Variants in ARHGAP39 observed in about 807,000 individuals in gnomAD.
The protein encoded by ARHGAP39 is rho GTPase-activating protein 39.
ARHGAP39 carries 44 observed loss-of-function variants against 106.9 expected under a neutral mutation model. The ratio of observed to expected loss-of-function variants is 0.41; its 90% CI spans 0.32 to 0.53. The LOEUF (loss-of-function observed/expected upper bound fraction) is 0.53, where lower values mean the gene tolerates loss of function less well. Ranked by LOEUF, ARHGAP39 falls within the 20% of genes least tolerant of loss-of-function variation. The probability of loss-of-function intolerance (pLI) is 0.21; values close to 1 mark genes in which losing one functional copy is unlikely to be tolerated. For missense variants in ARHGAP39, 1,496 were observed against 1,577.3 expected (o/e 0.95, Z 0.87); for synonymous variants, 768 against 693.2 (o/e 1.11, Z -1.69).
chr8:144,612,680 G>A (rs1231506461), intron 1 of ARHGAP39, among the ~76,000 whole-genome samples: 8 of 69,458 alleles, frequency 1.2e-4, no homozygotes, highest in Non-Finnish European at 2.8e-5. Flanking sequence ...CTGCACTCCA[G>A]CCAGGGCGAC....
rs1821594482 is a variant in ARHGAP39, at chr8:144,652,368, TAA to T, written c.-82+33316_-82+33317del. ...TGGAAAGCAGTATTCCTCAAAAAGC[TAA>T]AAGCAGAACTATCATTTGCCCAGCA... On this transcript the variant is annotated intron_variant, in intron 1 of 11. Transcript: ENST00000377307. Among the ~76,000 whole-genome samples the T allele has an allele frequency of 4.6e-5, 7 of 152,178 alleles. No individual in the cohort carries two copies. In the East Asian group the frequency reaches 1.3e-3, roughly 29 times the overall value.
At chr8:144,542,854 G>A (rs1023017954) in intron 6 of ARHGAP39, among the ~76,000 whole-genome samples, 8 of 151,732 alleles carry the variant, frequency 5.3e-5, no homozygotes, top group South Asian at 2.1e-4. Context: ...CAGGACAATC[G>A]CTTGAACCCA....
chr8:144,598,021 C>T, intron 2 of ARHGAP39, among the ~76,000 whole-genome samples: 1 of 152,204 alleles, frequency 6.6e-6, no homozygotes, highest in African/African-American at 2.4e-5. Context: ...TCAAACCCAC[C>T]AGGTAGGAAG....
chr8:144,552,934 C>T (rs751360925), intron 4 of ARHGAP39, among the ~76,000 whole-genome samples: 8 of 152,192 alleles, frequency 5.3e-5, no homozygotes, highest in Non-Finnish European at 1.2e-4. Context: ...CAGGCATGCT[C>T]TGGGGGCAGA....
chr8:144,633,658 AC>A (rs1448678991), intron 1 of ARHGAP39, among the ~76,000 whole-genome samples: 1 of 152,196 alleles, frequency 6.6e-6, no homozygotes, highest in Non-Finnish European at 1.5e-5. Flanking sequence ...CATAACATGG[AC>A]CATGAGAACA....
At chr8:144,549,552 G>A (rs1817618749) in intron 4 of ARHGAP39, among the ~76,000 whole-genome samples, 1 of 152,094 alleles carries the variant, frequency 6.6e-6, no homozygotes, top group Non-Finnish European at 1.5e-5. Flanking sequence ...GAGTATAGCG[G>A]CACGGTCTTG....
intron 1 of ARHGAP39, among the ~76,000 whole-genome samples, chr8:144,619,918 G>A (rs535787001): frequency 1.3e-5 from 2 of 150,728 alleles, no homozygotes; most frequent in South Asian, 2.1e-4. Context: ...GTGTGTGCCC[G>A]TGTGCGTGTG....
chr8:144,536,559 G>T (rs560647375), intron 7 of ARHGAP39, among the ~76,000 whole-genome samples: 29 of 152,340 alleles, frequency 1.9e-4, no homozygotes, highest in Non-Finnish European at 3.4e-4. Context: ...CGCTGCCCCA[G>T]ATGGAGTGGT....
chr8:144,532,442 G>T, intron 9 of ARHGAP39, 46 bp from the exon 10 acceptor site: 1 of 1,552,108 alleles, frequency 6.4e-7, no homozygotes, highest in Non-Finnish European at 8.8e-7. Context: ...CCTGTGCTGC[G>T]GCTTCATGAT....
chr8:144,667,696 C>A (rs1371939256), intron 1 of ARHGAP39, among the ~76,000 whole-genome samples: 1 of 152,212 alleles, frequency 6.6e-6, no homozygotes, highest in Non-Finnish European at 1.5e-5. Flanking sequence ...GGACTTGAAT[C>A]CTGGCTCCGC....
At chr8:144,624,173 C>T (rs1820878930) in intron 1 of ARHGAP39, among the ~76,000 whole-genome samples, 1 of 152,360 alleles carries the variant, frequency 6.6e-6, no homozygotes, top group Middle Eastern at 3.4e-3. Flanking sequence ...GTAAGCCACA[C>T]CCACCTGCAC....
intron 3 of ARHGAP39, among the ~76,000 whole-genome samples, chr8:144,563,797 AT>A (rs893599229): frequency 1.1e-4 from 16 of 151,058 alleles, no homozygotes; most frequent in East Asian, 5.8e-4. Context: ...TCTAAAAAAA[AT>A]AATAATAAAA....
At chr8:144,613,185 A>G (rs547807479) in intron 1 of ARHGAP39, among the ~76,000 whole-genome samples, 5 of 152,228 alleles carry the variant, frequency 3.3e-5, no homozygotes, top group Admixed American at 6.5e-5. Flanking sequence ...TTTGTCAAAT[A>G]TTTTATTTCT....
At chr8:144,608,658 G>A (rs980739998) in intron 1 of ARHGAP39, among the ~76,000 whole-genome samples, 2 of 152,220 alleles carry the variant, frequency 1.3e-5, no homozygotes, top group African/African-American at 4.8e-5. Flanking sequence ...GATTTTGATT[G>A]CAGTTGTGTT....
the ARHGAP39 span, among the ~76,000 whole-genome samples, chr8:144,692,275 G>A: frequency 1.4e-4 from 20 of 145,968 alleles, no homozygotes; most frequent in East Asian, 1.6e-3. Context: ...CCAATGCCCC[G>A]CCCCAGCTCT....
At chr8:144,618,948 G>A (rs565838025) in intron 1 of ARHGAP39, among the ~76,000 whole-genome samples, 83 of 152,318 alleles carry the variant, frequency 5.4e-4, no homozygotes, top group African/African-American at 1.9e-3. Flanking sequence ...GGTGTGCTCC[G>A]TCCTCATCCT....
intron 1 of ARHGAP39, among the ~76,000 whole-genome samples, chr8:144,663,134 A>C: frequency 8.2e-6 from 1 of 122,276 alleles, no homozygotes. Flanking sequence ...CCTCCCTATT[A>C]TCCACCTTGG....
the ARHGAP39 span, among the ~76,000 whole-genome samples, chr8:144,694,457 T>G: frequency 1.3e-3 from 196 of 152,316 alleles, 3 homozygotes; most frequent in Admixed American, 7.8e-4. Flanking sequence ...GACAGGTGCA[T>G]TTGTGAATTT....
Position 144,605,666 on chromosome 8 carries a change from A to G in ARHGAP39, c.-52T>C, listed in dbSNP as rs1820264036. Reference sequence around the variant, plus strand: ...ACAGACGTCAGGGCACCATACGCACAACGCCAGCATCAGACGGGAAGGTGC... The same window carrying G: ...ACAGACGTCAGGGCACCATACGCACGACGCCAGCATCAGACGGGAAGGTGC... On this transcript the variant is annotated 5_prime_UTR_variant, in exon 2 of 12. Transcript: ENST00000377307. 1 of 1,579,148 alleles carries G rather than the reference A, an allele frequency of 6.3e-7. No individual in the cohort carries two copies. The highest frequency in any genetic ancestry group is 2.2e-5 in the East Asian group (1 of 44,670).
Sources: allele counts gnomAD v4.1 joint callset (sites outside exome capture counted in the v4.1 genomes callset), GRCh38; gene constraint gnomAD v4.1.1; transcripts MANE v1.5; gene names NCBI Gene and HGNC (gene_info 2026-07-23, HGNC 2026-07-21).